Variants in LRMDA observed in about 807,000 individuals in gnomAD.
The protein encoded by LRMDA is leucine rich melanocyte differentiation associated.
In LRMDA, 18 loss-of-function variants were observed where a neutral mutation model predicts 29.8. That is an observed-to-expected ratio of 0.60 (90% confidence interval 0.42 to 0.90). LRMDA has a LOEUF of 0.90. LRMDA is among the 40% of genes least tolerant of loss of function. The pLI, the probability that LRMDA is intolerant of heterozygous loss-of-function variation, is 0.00. For missense variants in LRMDA, 273 were observed against 273.9 expected, an observed-to-expected ratio of 1.00 and a Z score of 0.02; for synonymous variants, 125 against 109.4, an observed-to-expected ratio of 1.14 and a Z score of -0.89.
intron 5 of LRMDA, among the ~76,000 whole-genome samples, chr10:76,194,651 C>T (rs75241139): frequency 0.012 from 1,860 of 152,270 alleles, 40 homozygotes; most frequent in African/African-American, 0.042. Context: ...GCTTTGTTCT[C>T]TCCAGTGCTT....
chr10:76,187,102 A>G (rs1339783040), intron 5 of LRMDA, among the ~76,000 whole-genome samples: 1 of 152,112 alleles, frequency 6.6e-6, no homozygotes, highest in Non-Finnish European at 1.5e-5. Flanking sequence ...CCTCTTGCCT[A>G]GCCCATCCAG....
chr10:76,115,859 G>T (rs1231468537), intron 5 of LRMDA, among the ~76,000 whole-genome samples: 1 of 152,112 alleles, frequency 6.6e-6, no homozygotes, highest in East Asian at 1.9e-4. Flanking sequence ...AATGGAGGGG[G>T]CAGGGCAGCC....
At chr10:76,520,217 A>G (rs1328274196) in intron 6 of LRMDA, among the ~76,000 whole-genome samples, 1 of 151,728 alleles carries the variant, frequency 6.6e-6, no homozygotes, top group African/African-American at 2.4e-5. Flanking sequence ...TTATTTTGTG[A>G]TAGAATCTTG....
At chr10:76,488,149 T>C (rs1842800357) in intron 6 of LRMDA, among the ~76,000 whole-genome samples, 1 of 151,880 alleles carries the variant, frequency 6.6e-6, no homozygotes, top group Non-Finnish European at 1.5e-5. Context: ...ATAAAAATTT[T>C]ATAACACTAG....
intron 5 of LRMDA, among the ~76,000 whole-genome samples, chr10:76,130,665 C>CT (rs988837953): frequency 9.9e-5 from 15 of 151,196 alleles, no homozygotes; most frequent in Admixed American, 2.0e-4. Context: ...CTTAGCCTAT[C>CT]TTTTTTTTTA....
At chr10:76,142,189 G>T (rs1307589703) in intron 5 of LRMDA, among the ~76,000 whole-genome samples, 1 of 151,812 alleles carries the variant, frequency 6.6e-6, no homozygotes, top group African/African-American at 2.4e-5. Context: ...TCTTTCAATG[G>T]ATTTCAGGTG....
At chr10:75,810,227 G>A (rs1843934041) in intron 2 of LRMDA, among the ~76,000 whole-genome samples, 1 of 152,200 alleles carries the variant, frequency 6.6e-6, no homozygotes, top group Admixed American at 6.5e-5. Context: ...GGAAGGCAAA[G>A]CAGAACCCTA....
intron 2 of LRMDA, among the ~76,000 whole-genome samples, chr10:75,709,255 A>G (rs1223526847): frequency 1.3e-5 from 2 of 152,192 alleles, no homozygotes. Context: ...CAGGAAAATA[A>G]ATTTATAGAG....
At chr10:76,349,188 G>A (rs12416652) in intron 6 of LRMDA, among the ~76,000 whole-genome samples, 86,112 of 151,978 alleles carry the variant, frequency 0.57, 29,057 homozygotes, top group Non-Finnish European at 0.79. Flanking sequence ...CTAATTTGTG[G>A]GTCAGCAAAC....
intron 6 of LRMDA, among the ~76,000 whole-genome samples, chr10:76,431,409 GTGTTAA>G (rs1842189713): frequency 6.6e-6 from 1 of 152,174 alleles, no homozygotes. Flanking sequence ...GGTGACGACA[GTGTTAA>G]AAGCACAGAC....
At chr10:75,916,193 T>TGG (rs1554833958) in intron 2 of LRMDA, among the ~76,000 whole-genome samples, 8,943 of 139,820 alleles carry the variant, frequency 0.064, 586 homozygotes, top group East Asian at 0.34. Flanking sequence ...TGTGTGTGTG[T>TGG]GTGGGTGGGT....
At chr10:76,224,519 C>A (rs1851913258) in intron 5 of LRMDA, among the ~76,000 whole-genome samples, 1 of 151,926 alleles carries the variant, frequency 6.6e-6, no homozygotes, top group Non-Finnish European at 1.5e-5. Context: ...CTGCAGTGAG[C>A]CAAGGTCATG....
intron 6 of LRMDA, among the ~76,000 whole-genome samples, chr10:76,385,900 A>G (rs1260005585): frequency 6.6e-6 from 1 of 152,194 alleles, no homozygotes; most frequent in Non-Finnish European, 1.5e-5. Flanking sequence ...CCCATAGTAA[A>G]TGCTCAATAA....
chr10:76,012,376 C>A (rs1446022541), intron 2 of LRMDA, among the ~76,000 whole-genome samples: 2 of 152,138 alleles, frequency 1.3e-5, no homozygotes, highest in Non-Finnish European at 2.9e-5. Flanking sequence ...GCTTTCATGT[C>A]CCACTCCTAT....
intron 1 of LRMDA, among the ~76,000 whole-genome samples, chr10:75,437,799 G>A (rs777214694): frequency 6.6e-6 from 1 of 152,180 alleles, no homozygotes; most frequent in Non-Finnish European, 1.5e-5. Flanking sequence ...CAGGAGCCCC[G>A]GACACACATT....
At chr10:75,744,654 A>G (rs1366920333) in intron 2 of LRMDA, among the ~76,000 whole-genome samples, 1 of 152,186 alleles carries the variant, frequency 6.6e-6, no homozygotes, top group Non-Finnish European at 1.5e-5. Context: ...TTCTCACCCC[A>G]TTAGTGGCAG....
At chr10:76,157,988 A>C (rs1188335914) in intron 5 of LRMDA, among the ~76,000 whole-genome samples, 1 of 152,176 alleles carries the variant, frequency 6.6e-6, no homozygotes. Flanking sequence ...AACAAAAAAA[A>C]AGTTACAGTA....
intron 6 of LRMDA, among the ~76,000 whole-genome samples, chr10:76,341,267 T>TA (rs2132420057): frequency 1.3e-5 from 2 of 152,142 alleles, no homozygotes; most frequent in African/African-American, 4.8e-5. Flanking sequence ...TATAGCAAAA[T>TA]AAAGTGCCAA....
chr10:75,965,886 C>T (rs1376795752), intron 2 of LRMDA, among the ~76,000 whole-genome samples: 1 of 152,186 alleles, frequency 6.6e-6, no homozygotes, highest in Non-Finnish European at 1.5e-5. Context: ...GGTTTATACA[C>T]ATTATAGGGA....
Sources: allele counts gnomAD v4.1 joint callset (sites outside exome capture counted in the v4.1 genomes callset), GRCh38; gene constraint gnomAD v4.1.1; transcripts MANE v1.5; gene names NCBI Gene and HGNC (gene_info 2026-07-23, HGNC 2026-07-21).